The following CNTN4 variants were observed in gnomAD, a reference collection of about 807,000 sequenced individuals.
The protein encoded by CNTN4 is contactin-4.
A neutral mutation model predicts 122.5 loss-of-function variants in CNTN4; 77 were observed. The ratio of observed to expected loss-of-function variants is 0.63; its 90% CI spans 0.52 to 0.76. The LOEUF (loss-of-function observed/expected upper bound fraction) is 0.76. CNTN4 is among the 30% of genes least tolerant of loss of function. The pLI is 0.00. For synonymous variants in CNTN4, 512 were observed against 447.0 expected (o/e 1.15, Z -1.83); for missense variants, 1,256 against 1,259.1 (o/e 1.00, Z 0.04).
At chr3:2,319,015 T>C (rs1468828784) in intron 2 of CNTN4, among the ~76,000 whole-genome samples, 1 of 152,148 alleles carries the variant, frequency 6.6e-6, no homozygotes, top group Non-Finnish European at 1.5e-5. Context: ...AGTTAACTAA[T>C]TCCCTCTTCT....
intron 3 of CNTN4, among the ~76,000 whole-genome samples, chr3:2,500,662 A>G (rs1384556806): frequency 6.6e-6 from 1 of 152,034 alleles, no homozygotes; most frequent in Non-Finnish European, 1.5e-5. Flanking sequence ...TTCAATGTTC[A>G]GTATGTTTCT....
chr3:2,603,667 G>GC (rs2081140924), intron 4 of CNTN4, among the ~76,000 whole-genome samples: 1 of 152,166 alleles, frequency 6.6e-6, no homozygotes, highest in Non-Finnish European at 1.5e-5. Flanking sequence ...AAAGTGAAGT[G>GC]CATATGAGAG....
chr3:2,479,297 A>G (rs1285044029), intron 3 of CNTN4, among the ~76,000 whole-genome samples: 1 of 152,224 alleles, frequency 6.6e-6, no homozygotes, highest in Non-Finnish European at 1.5e-5. Flanking sequence ...AACTAAACAA[A>G]TGAACATTTT....
At chr3:2,619,178 T>A (rs1178494482) in intron 4 of CNTN4, among the ~76,000 whole-genome samples, 2 of 152,194 alleles carry the variant, frequency 1.3e-5, no homozygotes, top group African/African-American at 4.8e-5. Flanking sequence ...CCCTGTCGTC[T>A]CAGAAGCACA....
At chr3:2,315,779 G>A (rs943241840) in intron 2 of CNTN4, among the ~76,000 whole-genome samples, 3 of 151,886 alleles carry the variant, frequency 2.0e-5, no homozygotes, top group African/African-American at 7.3e-5. Flanking sequence ...GAGTCTTGGA[G>A]CTATTAACTA....
chr3:2,343,866 A>G (rs2044298545), intron 3 of CNTN4, among the ~76,000 whole-genome samples: 1 of 152,194 alleles, frequency 6.6e-6, no homozygotes, highest in South Asian at 2.1e-4. Context: ...CAGCTGTACA[A>G]GAAGCATGGC....
chr3:2,717,158 C>A (rs538736008), intron 4 of CNTN4, among the ~76,000 whole-genome samples: 1 of 152,098 alleles, frequency 6.6e-6, no homozygotes, highest in African/African-American at 2.4e-5. Flanking sequence ...CTGACTGCTG[C>A]GCTTTGAAAA....
intron 3 of CNTN4, among the ~76,000 whole-genome samples, chr3:2,556,649 T>C (rs565624288): frequency 2.1e-4 from 32 of 150,064 alleles, no homozygotes; most frequent in Non-Finnish European, 4.5e-4. Flanking sequence ...CAAACACACA[T>C]ACACACACAA....
At chr3:2,797,602 A>G (rs1007450863) in intron 6 of CNTN4, among the ~76,000 whole-genome samples, 5 of 151,878 alleles carry the variant, frequency 3.3e-5, no homozygotes, top group African/African-American at 1.2e-4. Flanking sequence ...CCGCCTCAAA[A>G]ACAAAAACAA....
chr3:2,363,068 T>A (rs2045225628), intron 3 of CNTN4, among the ~76,000 whole-genome samples: 1 of 152,336 alleles, frequency 6.6e-6, no homozygotes, highest in Admixed American at 6.5e-5. Flanking sequence ...GATTGAATTA[T>A]TGTAGGTATC....
intron 4 of CNTN4, among the ~76,000 whole-genome samples, chr3:2,633,645 G>T (rs2082538001): frequency 6.6e-6 from 1 of 152,114 alleles, no homozygotes; most frequent in Non-Finnish European, 1.5e-5. Context: ...CACAAAAACA[G>T]CTAAATCCAA....
chr3:2,225,403 A>C (rs745736874), intron 2 of CNTN4, among the ~76,000 whole-genome samples: 1 of 151,568 alleles, frequency 6.6e-6, no homozygotes, highest in African/African-American at 2.4e-5. Context: ...AATCCCAGCT[A>C]CTTGGGAGGC....
intron 2 of CNTN4, among the ~76,000 whole-genome samples, chr3:2,166,928 A>C (rs923370155): frequency 1.3e-5 from 2 of 152,184 alleles, no homozygotes; most frequent in Non-Finnish European, 2.9e-5. Flanking sequence ...GTAGAGTAAA[A>C]ATTTGGAAGA....
intron 2 of CNTN4, among the ~76,000 whole-genome samples, chr3:2,141,258 A>C (rs1197253653): frequency 6.6e-6 from 1 of 152,188 alleles, no homozygotes; most frequent in Non-Finnish European, 1.5e-5. Context: ...GAAGGTAAGG[A>C]TCTTAAAATG....
chr3:2,473,244 A>C (rs1181997065), intron 3 of CNTN4, among the ~76,000 whole-genome samples: 11 of 112,412 alleles, frequency 9.8e-5, no homozygotes, highest in Admixed American at 7.5e-4. Flanking sequence ...AAAAAAAAAA[A>C]AAAAAAAACA....
At chr3:2,153,514 T>A (rs2035582473) in intron 2 of CNTN4, among the ~76,000 whole-genome samples, 1 of 152,138 alleles carries the variant, frequency 6.6e-6, no homozygotes, top group Non-Finnish European at 1.5e-5. Flanking sequence ...AGAGTGATTT[T>A]AAACACGAAT....
intron 17 of CNTN4, among the ~76,000 whole-genome samples, chr3:3,036,715 C>T (rs562375456): frequency 2.5e-4 from 38 of 149,188 alleles, no homozygotes; most frequent in Non-Finnish European, 4.6e-4. Flanking sequence ...TGCAGTGAGC[C>T]GAGATTGTGC....
chr3:2,341,401 G>A (rs542965929), intron 3 of CNTN4, among the ~76,000 whole-genome samples: 5 of 152,256 alleles, frequency 3.3e-5, no homozygotes, highest in South Asian at 4.1e-4. Context: ...GTTCTTCATG[G>A]TATTCCAAGA....
At chr3:2,956,800 T>G (rs931977081) in intron 13 of CNTN4, among the ~76,000 whole-genome samples, 1 of 152,120 alleles carries the variant, frequency 6.6e-6, no homozygotes, top group Admixed American at 6.6e-5. Context: ...TTATTTCCCC[T>G]ACCTCCAGAG....
Sources: gnomAD v4.1 joint callset for allele counts (sites outside exome capture counted in the v4.1 genomes callset) on GRCh38, gnomAD v4.1.1 for gene constraint, MANE v1.5 for transcripts, NCBI Gene and HGNC (gene_info 2026-07-23, HGNC 2026-07-21) for gene names.